The following HNRNPH1 variants were observed in gnomAD, a reference collection of about 807,000 sequenced individuals.
The protein encoded by HNRNPH1 is heterogeneous nuclear ribonucleoprotein H.
A neutral mutation model predicts 58.6 loss-of-function variants in HNRNPH1; 4 were observed. The ratio of observed to expected loss-of-function variants is 0.07; its 90% CI spans 0.03 to 0.16. The LOEUF is 0.16. HNRNPH1 is among the 10% of genes least tolerant of loss of function. The pLI, the probability that HNRNPH1 is intolerant of heterozygous loss-of-function variation, is 1.00. For missense variants in HNRNPH1, 271 were observed against 564.2 expected (o/e 0.48, Z 5.26); for synonymous variants, 192 against 189.2 (o/e 1.01, Z -0.12).
At chr5:179,625,785 G>A (rs77467819), upstream of HNRNPH1, among the ~76,000 whole-genome samples, 186 of 100,604 alleles carry the variant, frequency 1.8e-3, no homozygotes, top group African/African-American at 6.6e-3. Flanking sequence ...TTTTTTATTT[G>A]TTTGTTTGAG....
chr5:179,620,240 A>G (rs1028934814), intron 3 of HNRNPH1, among the ~76,000 whole-genome samples: 19 of 152,264 alleles, frequency 1.2e-4, no homozygotes, highest in African/African-American at 4.3e-4. Context: ...TACTTAAAAT[A>G]TACGATATCT....
At chr5:179,624,373 G>T in exon 1 of HNRNPH1, 1 of 396,446 alleles carries the variant, frequency 2.5e-6, no homozygotes, top group Non-Finnish European at 4.4e-6. Flanking sequence ...CCTGTGGCTC[G>T]CGCCTGTACC....
At chr5:179,615,669 A>G (rs1769182795) in intron 11 of HNRNPH1, 74 bp from the exon 13 acceptor site, 3 of 768,402 alleles carry the variant, frequency 3.9e-6, no homozygotes, top group South Asian at 1.6e-5. Context: ...AAAAAAATAA[A>G]TAAAACCAAT....
upstream of HNRNPH1, among the ~76,000 whole-genome samples, chr5:179,628,758 G>A (rs1456744058): frequency 2.0e-5 from 3 of 152,096 alleles, no homozygotes; most frequent in Admixed American, 6.6e-5. Flanking sequence ...TGGCCAACAC[G>A]GTGAAACCCC....
At chr5:179,618,386 A>G in intron 4 of HNRNPH1, 63 bp from the exon 6 acceptor site, 2 of 1,142,394 alleles carry the variant, frequency 1.8e-6, no homozygotes, top group Non-Finnish European at 1.3e-6. Context: ...CATTTTATAC[A>G]GGTATTTAGT....
intron 2 of HNRNPH1, among the ~76,000 whole-genome samples, chr5:179,632,851 A>ATTTTTT (rs56128695): frequency 1.7e-5 from 1 of 57,552 alleles, no homozygotes; most frequent in African/African-American, 7.5e-5. Flanking sequence ...AGCCCGGCGA[A>ATTTTTT]TTTTTTTTTT....
At chr5:179,626,100 GTTTT>G (rs927392989), upstream of HNRNPH1, among the ~76,000 whole-genome samples, 6 of 149,146 alleles carry the variant, frequency 4.0e-5, no homozygotes, top group African/African-American at 1.5e-4. Context: ...GCAATGAAAG[GTTTT>G]TTTGTTTGGT....
intron 1 of HNRNPH1, among the ~76,000 whole-genome samples, chr5:179,622,541 T>A (rs1194152848): frequency 6.6e-6 from 1 of 152,024 alleles, no homozygotes; most frequent in Non-Finnish European, 1.5e-5. Flanking sequence ...TGAAACCCCG[T>A]CTCTACTAAA....
upstream of HNRNPH1, among the ~76,000 whole-genome samples, chr5:179,627,505 G>GATTA (rs1554136522): frequency 5.5e-5 from 8 of 144,470 alleles, no homozygotes; most frequent in Non-Finnish European, 1.2e-4. Flanking sequence ...CCTGATTTAT[G>GATTA]CCTTTTTTTT....
exon 13 of HNRNPH1, chr5:179,614,951 C>G (rs1768788887): frequency 6.5e-7 from 1 of 1,536,114 alleles, no homozygotes; most frequent in African/African-American, 1.4e-5. Flanking sequence ...TTCACTGCTC[C>G]TTGGTTACCT....
chr5:179,615,799 TATTTA>T (rs1402881211), intron 11 of HNRNPH1: 2 of 517,824 alleles, frequency 3.9e-6, no homozygotes, highest in Middle Eastern at 5.0e-4. Flanking sequence ...TGAACAACTT[TATTTA>T]ATGTTTTAAT....
intron 1 of HNRNPH1, chr5:179,621,840 C>A: frequency 2.4e-6 from 1 of 423,288 alleles, no homozygotes. Flanking sequence ...GCCCAATACT[C>A]ACCTGAAAGG....
At chr5:179,620,849 G>C in intron 3 of HNRNPH1, 43 bp downstream of exon 4, 1 of 1,594,708 alleles carries the variant, frequency 6.3e-7, no homozygotes, top group Non-Finnish European at 8.6e-7. Flanking sequence ...CTTGCCATAA[G>C]CTAGCCAAAA....
chr5:179,616,694 G>A (rs1769889806), intron 10 of HNRNPH1, 175 bp downstream of exon 11: 1 of 632,758 alleles, frequency 1.6e-6, no homozygotes, highest in Non-Finnish European at 2.8e-6. Context: ...TCTATCCTAA[G>A]GAACTTCATA....
chr5:179,621,198 G>C, intron 2 of HNRNPH1, 44 bp downstream of exon 3: 4 of 1,585,364 alleles, frequency 2.5e-6, no homozygotes, highest in Non-Finnish European at 3.5e-6. Context: ...GACCTCTATT[G>C]TTTAATGCTT....
At chr5:179,626,445 G>A (rs924067702), upstream of HNRNPH1, among the ~76,000 whole-genome samples, 13 of 151,228 alleles carry the variant, frequency 8.6e-5, no homozygotes, top group East Asian at 2.0e-3. Flanking sequence ...CAGCCCACGC[G>A]TGGGGCTCAT....
At position 179,617,950 on chromosome 5, in the gene HNRNPH1, T is replaced by TA. The variant is rs776048911; in HGVS notation, c.788-19dup. On this transcript the variant is annotated intron_variant, in intron 6 of 12. Coordinates refer to ENST00000356731, the Ensembl canonical transcript of HNRNPH1. Reference sequence around the variant, plus strand: ...ATTGAGGTCTAGATGGACAAGAGTGTAAGCATCCTTCAACTGAGAAATTCA... The same window carrying TA: ...ATTGAGGTCTAGATGGACAAGAGTGTAAAGCATCCTTCAACTGAGAAATTCA... 37 of 1,613,896 alleles carry TA rather than the reference T, an allele frequency of 2.3e-5. No individual in the cohort carries two copies. Among genetic ancestry groups the TA allele is most frequent in the Non-Finnish European group, 3.1e-5 (37 of 1,179,864 alleles).
intron 2 of HNRNPH1, among the ~76,000 whole-genome samples, chr5:179,633,020 G>T (rs1268490647): frequency 1.3e-5 from 2 of 151,758 alleles, no homozygotes; most frequent in Non-Finnish European, 2.9e-5. Flanking sequence ...ACCACGCCCA[G>T]CTAATTTTTT....
intron 1 of HNRNPH1, chr5:179,621,720 T>C (rs1181611245): frequency 2.5e-6 from 1 of 398,418 alleles, no homozygotes; most frequent in East Asian, 5.8e-5. Context: ...CTGGACTGTG[T>C]GACTTTACGG....
Sources: allele counts gnomAD v4.1 joint callset (sites outside exome capture counted in the v4.1 genomes callset), GRCh38; gene constraint gnomAD v4.1.1; transcripts MANE v1.5; gene names NCBI Gene and HGNC (gene_info 2026-07-23, HGNC 2026-07-21).